Variants in ASAP3 observed in about 807,000 individuals in gnomAD.
ASAP3 encodes the protein arf-GAP with SH3 domain, ANK repeat and PH domain-containing protein 3.
In ASAP3, 85 loss-of-function variants were observed where a neutral mutation model predicts 118.2. That is an observed-to-expected ratio of 0.72 (90% CI 0.60 to 0.86). The LOEUF (loss-of-function observed/expected upper bound fraction) is 0.86. ASAP3 is among the 40% of genes least tolerant of loss of function. ASAP3 has a pLI of 0.00. For missense variants in ASAP3, 1,026 were observed against 1,175.0 expected (o/e 0.87, Z 1.85); for synonymous variants, 432 against 477.4 (o/e 0.90, Z 1.24).
intron 1 of ASAP3, among the ~76,000 whole-genome samples, chr1:23,476,561 A>T (rs934285470): frequency 1.3e-5 from 2 of 152,168 alleles, no homozygotes; most frequent in African/African-American, 4.8e-5. Flanking sequence ...GGCCCTTCCA[A>T]TCTAGTTTCC....
At chr1:23,441,844 G>T in intron 7 of ASAP3, 114 bp from the exon 8 acceptor site, 1 of 1,117,168 alleles carries the variant, frequency 9.0e-7, no homozygotes, top group Non-Finnish European at 1.3e-6. Context: ...GGGAATTGTA[G>T]TCTGACGGTC....
intron 4 of ASAP3, among the ~76,000 whole-genome samples, chr1:23,452,136 G>T: frequency 6.6e-6 from 1 of 152,194 alleles, no homozygotes; most frequent in East Asian, 1.9e-4. Flanking sequence ...CTGCCTGTCT[G>T]GTTTGTGTGG....
chr1:23,431,251 C>CA, intron 23 of ASAP3, 126 bp from the exon 24 acceptor site: 1 of 921,298 alleles, frequency 1.1e-6, no homozygotes, highest in South Asian at 1.5e-5. Context: ...ACAAGGCCCC[C>CA]AGGCCAGGTC....
chr1:23,451,593 C>T (rs1641216454), intron 4 of ASAP3, 65 bp from the exon 5 acceptor site: 1 of 1,551,088 alleles, frequency 6.4e-7, no homozygotes, highest in Admixed American at 1.7e-5. Flanking sequence ...ACAGTATGCT[C>T]TGCTGCCTGT....
chr1:23,477,061 G>C (rs1246116530), intron 1 of ASAP3, among the ~76,000 whole-genome samples: 4 of 151,522 alleles, frequency 2.6e-5, no homozygotes, highest in African/African-American at 9.7e-5. Context: ...CTGTCGCCCA[G>C]GCTGGAGTAC....
rs200225073 is a variant in ASAP3, at chr1:23,432,379, A to G, written c.2324-461T>C. On this transcript the variant is annotated intron_variant, in intron 22 of 24. Coordinates refer to ENST00000336689, the MANE Select transcript of ASAP3 (RefSeq NM_017707.4). ...GTCCAGTATTCTCCTTCAACTGATG[A>G]AGCCTTTGTTCGCGGTGGCCAGGGC... Among the ~76,000 whole-genome samples, 29 of 152,074 alleles carry G rather than the reference A, an allele frequency of 1.9e-4. No individual in the cohort carries two copies. The East Asian group carries it at 5.2e-3, about 27-fold the overall frequency.
rs542014512 is a variant in ASAP3, at chr1:23,463,067, G to A, written c.130-6873C>T. On this transcript the variant is annotated intron_variant, in intron 1 of 24. Coordinates refer to ENST00000336689, the MANE Select transcript of ASAP3 (RefSeq NM_017707.4). ...CTGCCAGGAAGGGAGGCGTGCTCTG[G>A]GAAGAATGGACAAGGACAGGAACAT... is the stretch of plus-strand genomic sequence containing the variant. Among the ~76,000 whole-genome samples, 3 of 152,246 alleles carry A rather than the reference G, an allele frequency of 2.0e-5. No homozygotes were observed. The South Asian group carries it at 6.2e-4, about 32-fold the overall frequency.
intron 17 of ASAP3, among the ~76,000 whole-genome samples, chr1:23,435,236 C>T (rs1263851764): frequency 2.0e-5 from 3 of 152,076 alleles, no homozygotes; most frequent in Non-Finnish European, 4.4e-5. Context: ...CTTATTTTGC[C>T]CAAGCTGATT....
chr1:23,481,657 C>G (rs1642312097), intron 1 of ASAP3, among the ~76,000 whole-genome samples: 1 of 152,154 alleles, frequency 6.6e-6, no homozygotes, highest in African/African-American at 2.4e-5. Flanking sequence ...TGAACTGGGG[C>G]AAAGCTGAGC....
chr1:23,432,953 C>T (rs1570323802), intron 22 of ASAP3, 124 bp downstream of exon 22: 1 of 1,070,902 alleles, frequency 9.3e-7, no homozygotes, highest in Non-Finnish European at 1.3e-6. Context: ...AAGATGAGAA[C>T]CCCTTCCTGG....
At chr1:23,484,413 T>G, upstream of ASAP3, 2 of 101,736 alleles carry the variant, frequency 2.0e-5, no homozygotes, top group East Asian at 1.5e-4. Context: ...GCCGGCCCCC[T>G]AGGCCACGCC....
chr1:23,459,094 C>T (rs1641483760), intron 1 of ASAP3, among the ~76,000 whole-genome samples: 2 of 141,482 alleles, frequency 1.4e-5, no homozygotes, highest in Admixed American at 1.6e-4. Context: ...CTCTTGAACC[C>T]GAGAGGTGGA....
chr1:23,439,079 G>A, intron 11 of ASAP3, 82 bp downstream of exon 11: 1 of 1,542,950 alleles, frequency 6.5e-7, no homozygotes, highest in Non-Finnish European at 8.9e-7. Flanking sequence ...GTCTTAGAGG[G>A]AGGGCTTGAC....
At position 23,441,682 on chromosome 1, in the gene ASAP3, G is replaced by C; in HGVS notation, c.720C>G (p.Ile240Met). 3 of 1,614,186 alleles carry C rather than the reference G, an allele frequency of 1.9e-6. No homozygotes were observed. The highest frequency in any genetic ancestry group is 1.7e-6 in the Non-Finnish European group (2 of 1,180,042). Residue 240 changes from isoleucine to methionine, a missense_variant, in exon 8 of 25, where the codon ATC becomes ATG. By Grantham distance (10) the Ile-to-Met change is conservative (BLOSUM62 1). Transcript: ENST00000336689. ...CATGTACTGAGGCCGCCAGCTTCTC[G>C]ATGAAGGGGAACAGGCTCTGGGCAG... ...WKAAQSLFPF[I>M]EKLAASVHAL...
chr1:23,445,558 A>G (rs1219373125), intron 5 of ASAP3, among the ~76,000 whole-genome samples: 1 of 152,168 alleles, frequency 6.6e-6, no homozygotes, highest in Non-Finnish European at 1.5e-5. Flanking sequence ...GAAGTCTCCC[A>G]GTGTACACTG....
Position 23,437,669 on chromosome 1 carries a change from T to C in ASAP3, c.1103-197A>G, listed in dbSNP as rs945060429. On this transcript the variant is annotated intron_variant, in intron 12 of 24. Transcript: ENST00000336689. This position sits in a 1 kb window ranked among gnomAD's most constrained non-coding sequence, Gnocchi z 6.1. ...AGTTTCTCAGAACTGGCCTCCGAAG[T>C]AGGATCCCAACAAAGCTCCCTCTGC... is the stretch of plus-strand genomic sequence containing the variant. Among the ~76,000 whole-genome samples, 1 of 152,122 alleles carries C rather than the reference T, an allele frequency of 6.6e-6. No homozygotes were observed. Among genetic ancestry groups the C allele is most frequent in the African/African-American group, 2.4e-5 (1 of 41,430 alleles).
intron 1 of ASAP3, among the ~76,000 whole-genome samples, chr1:23,470,396 G>A (rs970018452): frequency 6.6e-6 from 1 of 152,302 alleles, no homozygotes; most frequent in East Asian, 1.9e-4. Flanking sequence ...GCTCTTCCCA[G>A]CTACCCCTCT....
intron 1 of ASAP3, among the ~76,000 whole-genome samples, chr1:23,469,962 T>A (rs1641907351): frequency 1.3e-5 from 2 of 152,158 alleles, no homozygotes; most frequent in African/African-American, 4.8e-5. Flanking sequence ...TGAGGTAATG[T>A]TTTTTCTAAT....
At chr1:23,483,936 G>T in intron 1 of ASAP3, 69 bp downstream of exon 1, 2 of 1,228,392 alleles carry the variant, frequency 1.6e-6, no homozygotes, top group South Asian at 7.4e-5. Flanking sequence ...GCTCGGGTGC[G>T]ACACGCCTGT....
Sources: gnomAD v4.1 joint callset for allele counts (sites outside exome capture counted in the v4.1 genomes callset) on GRCh38, gnomAD v4.1.1 for gene constraint, Gnocchi (gnomAD v3.1) non-coding constraint, MANE v1.5 for transcripts, NCBI Gene and HGNC (gene_info 2026-07-23, HGNC 2026-07-21) for gene names.